Variants in MAOB observed in about 807,000 individuals in gnomAD.
MAOB encodes monoamine oxidase B.
MAOB carries 15 observed loss-of-function variants against 41.9 expected under a neutral mutation model. That is an observed-to-expected ratio of 0.36 (90% confidence interval 0.24 to 0.55). The LOEUF (loss-of-function observed/expected upper bound fraction) is 0.55. Among genes scored for constraint, MAOB ranks in the 20% least tolerant of loss-of-function variants. The pLI is 0.86. For synonymous variants in MAOB, 167 were observed against 144.2 expected (o/e 1.16, Z -1.13); for missense variants, 345 against 398.7 (o/e 0.87, Z 1.15).
Position 43,797,212 on chromosome X carries a change from G to C in MAOB, c.531C>G (p.Thr177=). The C allele has an allele frequency of 1.7e-6, 2 of 1,202,603 alleles. No individual in the cohort carries two copies. Among genetic ancestry groups the C allele is most frequent in the South Asian group, 3.6e-5 (2 of 55,478 alleles). Residue 177 remains threonine, a synonymous_variant, in exon 6 of 15, where the codon ACC becomes ACG. Coordinates refer to ENST00000378069, the MANE Select transcript of MAOB (RefSeq NM_000898.5). ...LFVNLCVTAE[T]HEVSALWFLW... ...GGAACCAGAGAGCAGAGACCTCATG[G>C]GTCTCTGCAGTGACACACAGGTTCA...
At chrX:43,831,937 A>G (rs2035023837) in intron 3 of MAOB, among the ~76,000 whole-genome samples, 1 of 111,934 alleles carries the variant, frequency 8.9e-6, no homozygotes, top group Non-Finnish European at 1.9e-5. Flanking sequence ...AATTTTTACC[A>G]TATAAACATT....
chrX:43,832,651 T>C (rs1280762965), intron 3 of MAOB, among the ~76,000 whole-genome samples: 1 of 111,967 alleles, frequency 8.9e-6, no homozygotes. Flanking sequence ...CAGCATATAA[T>C]ACATTTAACA....
At chrX:43,841,182 T>G (rs1425179486) in intron 2 of MAOB, among the ~76,000 whole-genome samples, 2 of 111,948 alleles carry the variant, frequency 1.8e-5, no homozygotes, top group African/African-American at 6.5e-5. Flanking sequence ...TCTATATCTA[T>G]TATTCAGATC....
rs188213369 is a variant in MAOB at position 43,830,471 on chromosome X, T to C, written c.279+8397A>G. On this transcript the variant is annotated intron_variant, in intron 3 of 14. Coordinates refer to ENST00000378069, the MANE Select transcript of MAOB (RefSeq NM_000898.5). The stretch of plus-strand genomic sequence containing the variant: ...AGGTAATACAGCCAGAAAAGATCAC[T>C]TTATTTATCTATTTATGATCGATTT... Among the ~76,000 whole-genome samples the C allele has an allele frequency of 2.7e-5, 3 of 112,103 alleles. No homozygotes were observed. The East Asian group carries it at 8.4e-4, about 32-fold the overall frequency.
chrX:43,843,601 A>G (rs1454011975), intron 2 of MAOB, 69 bp downstream of exon 2: 1 of 1,060,051 alleles, frequency 9.4e-7, no homozygotes. Flanking sequence ...TTTTGGGGAA[A>G]AAGACAAAAA....
chrX:43,833,545 T>A (rs2035040800), intron 3 of MAOB, among the ~76,000 whole-genome samples: 1 of 111,638 alleles, frequency 9.0e-6, no homozygotes, highest in Non-Finnish European at 1.9e-5. Context: ...TCTTTGCAGC[T>A]CCTTTGGACT....
At chrX:43,784,304 TAGGCAGGAGGACTGTA>T (rs2034372790) in intron 8 of MAOB, among the ~76,000 whole-genome samples, 1 of 112,602 alleles carries the variant, frequency 8.9e-6, no homozygotes, top group East Asian at 2.8e-4. Context: ...ATCCATCAGA[TAGGCAGGAGGACTGTA>T]AGGCAGGTAT....
At chrX:43,782,927 G>A (rs942727618) in intron 8 of MAOB, among the ~76,000 whole-genome samples, 1 of 111,566 alleles carries the variant, frequency 9.0e-6, no homozygotes, top group East Asian at 2.8e-4. Context: ...AAAGGCCTTC[G>A]ATAAAACTCA....
intron 8 of MAOB, among the ~76,000 whole-genome samples, chrX:43,787,254 C>T (rs2034411869): frequency 9.0e-6 from 1 of 111,048 alleles, no homozygotes; most frequent in Non-Finnish European, 1.9e-5. Flanking sequence ...TCAATAGAAG[C>T]TTTTGTAATG....
rs201330210 is a variant in MAOB at position 43,831,426 on chromosome X, C to CA, written c.279+7441dup. Among the ~76,000 whole-genome samples, 304 of 107,499 alleles carry CA rather than the reference C, an allele frequency of 2.8e-3. 3 individuals carry two copies. Among genetic ancestry groups the CA allele is most frequent in the Middle Eastern group, 0.019 (4 of 209 alleles). 93.3% of individuals were successfully genotyped at this position (107,499 alleles called of 115,157 possible). On this transcript the variant is annotated intron_variant, in intron 3 of 14. Coordinates refer to ENST00000378069, the MANE Select transcript of MAOB (RefSeq NM_000898.5). ...CTCCATGTTGTACCATCAAGTTAAA[C>CA]AAAAAAAAAGCCGTAACATTTGGTG...
chrX:43,840,232 A>C (rs762386511), intron 2 of MAOB, among the ~76,000 whole-genome samples: 1 of 111,492 alleles, frequency 9.0e-6, no homozygotes, highest in East Asian at 2.8e-4. Flanking sequence ...TCTGGCTCTC[A>C]AGACTGGTAA....
At position 43,779,749 on chromosome X, in the gene MAOB, C is replaced by A. The variant is rs752539464; in HGVS notation, c.1079+593G>T. Reference sequence around the variant, plus strand: ...GGTAACATTGGTCATTGAGGAGAACCCTGATGGAATCGGAAAGCATGCATC... The same window carrying A: ...GGTAACATTGGTCATTGAGGAGAACACTGATGGAATCGGAAAGCATGCATC... On this transcript the variant is annotated intron_variant, in intron 10 of 14. Coordinates refer to ENST00000378069, the MANE Select transcript of MAOB (RefSeq NM_000898.5). Among the ~76,000 whole-genome samples, 3 of 111,334 alleles carry A rather than the reference C, an allele frequency of 2.7e-5. No individual in the cohort carries two copies. The East Asian group carries it at 8.5e-4, about 32-fold the overall frequency.
chrX:43,866,946 T>C (rs1345785989), intron 1 of MAOB, among the ~76,000 whole-genome samples: 1 of 112,168 alleles, frequency 8.9e-6, no homozygotes, highest in African/African-American at 3.2e-5. Flanking sequence ...ATGAGGAAGA[T>C]GGGTTACTTA....
intron 1 of MAOB, among the ~76,000 whole-genome samples, chrX:43,869,802 A>G (rs1035183793): frequency 8.9e-6 from 1 of 112,017 alleles, no homozygotes; most frequent in African/African-American, 3.2e-5. Flanking sequence ...CAAAAGGTTC[A>G]TCGTCAAAAC....
At chrX:43,832,576 T>G in intron 3 of MAOB, among the ~76,000 whole-genome samples, 1 of 112,048 alleles carries the variant, frequency 8.9e-6, no homozygotes, top group Non-Finnish European at 1.9e-5. Flanking sequence ...GTAAAAACAT[T>G]GTCTCTTCCT....
chrX:43,788,069 T>C (rs1182784389), intron 8 of MAOB, among the ~76,000 whole-genome samples: 7 of 111,201 alleles, frequency 6.3e-5, no homozygotes, highest in Non-Finnish European at 1.1e-4. Flanking sequence ...ACAAGAAACA[T>C]GGTGCCAGCA....
intron 8 of MAOB, among the ~76,000 whole-genome samples, chrX:43,781,878 C>T (rs373179711): frequency 2.2e-4 from 25 of 111,524 alleles, no homozygotes; most frequent in African/African-American, 7.8e-4. Flanking sequence ...AGAATAAATC[C>T]AAAGATGTGT....
chrX:43,772,604 C>A (rs2034198546), intron 12 of MAOB, among the ~76,000 whole-genome samples: 1 of 111,945 alleles, frequency 8.9e-6, no homozygotes, highest in African/African-American at 3.2e-5. Context: ...ACTGTTCTTC[C>A]TCCCCCTTTG....
chrX:43,868,062 G>T (rs1468298232), intron 1 of MAOB, among the ~76,000 whole-genome samples: 1 of 111,933 alleles, frequency 8.9e-6, no homozygotes, highest in Non-Finnish European at 1.9e-5. Flanking sequence ...TAATTTTAAA[G>T]ATTAATTTTA....
Sources: gnomAD v4.1 joint callset for allele counts (sites outside exome capture counted in the v4.1 genomes callset) on GRCh38, gnomAD v4.1.1 for gene constraint, MANE v1.5 for transcripts, NCBI Gene and HGNC (gene_info 2026-07-23, HGNC 2026-07-21) for gene names.